The following TM9SF4 variants were observed in gnomAD, a reference collection of about 807,000 sequenced individuals.
The protein encoded by TM9SF4 is transmembrane 9 superfamily member 4.
In TM9SF4, 26 loss-of-function variants were observed where a neutral mutation model predicts 90.4. The ratio of observed to expected loss-of-function variants is 0.29; its 90% CI spans 0.21 to 0.40. The LOEUF (loss-of-function observed/expected upper bound fraction) is 0.40. TM9SF4 is among the 10% of genes least tolerant of loss of function. TM9SF4 has a pLI of 1.00. For synonymous variants in TM9SF4, 293 were observed against 315.4 expected, an observed-to-expected ratio of 0.93 and a Z score of 0.75; for missense variants, 549 against 834.8, an observed-to-expected ratio of 0.66 and a Z score of 4.22.
At chr20:32,159,836 TGCTCTGGGGA>T in intron 15 of TM9SF4, 146 bp from the exon 16 acceptor site, 1 of 1,042,492 alleles carries the variant, frequency 9.6e-7, no homozygotes, top group Non-Finnish European at 1.4e-6. Context: ...GCTCACCCCC[TGCTCTGGGGA>T]AGAGGGGCCA....
At chr20:32,164,923 C>T (rs2047078486) in intron 17 of TM9SF4, among the ~76,000 whole-genome samples, 1 of 152,190 alleles carries the variant, frequency 6.6e-6, no homozygotes, top group South Asian at 2.1e-4. Context: ...GCTCCTGGTC[C>T]TGAAGCTGGG....
chr20:32,143,233 G>A, intron 6 of TM9SF4, 128 bp downstream of exon 6: 1 of 1,197,048 alleles, frequency 8.4e-7, no homozygotes. Flanking sequence ...GCCCAGCCAA[G>A]GTAGGATCAT....
chr20:32,143,077 G>C lies in TM9SF4; in HGVS notation c.624G>C (p.Glu208Asp). Reference protein sequence around the residue: ...QEHTYRVVRFEVIPQSIRLED... With the variant: ...QEHTYRVVRFDVIPQSIRLED... ...ACACGTACCGTGTCGTCCGCTTCGA[G>C]GTGATTCCCCAGAGCATCAGGCTGG... The change falls in exon 6 of 18, where the codon GAG becomes GAC. Residue 208 changes from glutamate (E) to aspartate (D), a missense_variant. Physicochemically the swap from Glu to Asp is conservative, Grantham distance 45 (BLOSUM62 2). This residue lies in a region of TM9SF4 where 495 missense variants were observed against 711.7 expected (regional missense o/e 0.70). Coordinates refer to ENST00000398022, the MANE Select transcript of TM9SF4 (RefSeq NM_014742.4). 5 of 1,613,714 alleles carry C rather than the reference G, an allele frequency of 3.1e-6. No individual in the cohort carries two copies. Among genetic ancestry groups the C allele is most frequent in the Non-Finnish European group, 4.2e-6 (5 of 1,179,736 alleles).
In TM9SF4 at chr20:32,166,815, A is replaced by T. The variant is rs1250219133; in HGVS notation, c.*1371A>T. The T allele has an allele frequency of 5.3e-5, 8 of 152,128 alleles. No homozygotes were observed. Among genetic ancestry groups the T allele is most frequent in the Non-Finnish European group, 1.2e-4 (8 of 68,018 alleles). 9.4% of individuals were successfully genotyped at this position (152,128 alleles called of 1,614,324 possible). ...ATTAGGGTTCAAGTAGCAGCTGCTA[A>T]CCCTTGCACCAGCCCTTGTGGGACT... On this transcript the variant is annotated 3_prime_UTR_variant, in exon 18 of 18. Coordinates refer to ENST00000398022, the MANE Select transcript of TM9SF4 (RefSeq NM_014742.4).
chr20:32,149,890 G>T, intron 10 of TM9SF4, 124 bp downstream of exon 10: 8 of 1,373,314 alleles, frequency 5.8e-6, no homozygotes, highest in Non-Finnish European at 7.9e-6. Flanking sequence ...AAGTGGGCAT[G>T]TCAGTATCTC....
chr20:32,161,504 T>C (rs1288198697), intron 17 of TM9SF4, 139 bp downstream of exon 17: 4 of 674,506 alleles, frequency 5.9e-6, no homozygotes, highest in Non-Finnish European at 1.0e-5. Flanking sequence ...CTAGAACTGT[T>C]CCTGCTCTAG....
chr20:32,152,938 G>T (rs2046864637), intron 12 of TM9SF4, among the ~76,000 whole-genome samples: 2 of 152,200 alleles, frequency 1.3e-5, no homozygotes, highest in Admixed American at 1.3e-4. Context: ...ACAGTGCCCA[G>T]TTAGTAAATT....
intron 5 of TM9SF4, 62 bp downstream of exon 5, chr20:32,141,957 G>C (rs1186999826): frequency 1.2e-6 from 2 of 1,601,680 alleles, no homozygotes; most frequent in Admixed American, 1.7e-5. Context: ...CTGAGCACTT[G>C]GGGCCACAGA....
At chr20:32,116,641 ATTTGT>A (rs1034248530) in intron 1 of TM9SF4, 1 of 151,456 alleles carries the variant, frequency 6.6e-6, no homozygotes, top group African/African-American at 2.5e-5. Flanking sequence ...CCTGTGGCTA[ATTTGT>A]TTTTTGTTTG....
chr20:32,163,268 A>AATATATAT lies in TM9SF4; in HGVS notation c.1779+1924_1779+1931dup, dbSNP rs1186662308. Reference sequence around the variant, plus strand: ...CTCAAAAAAAAAAAAAAAAAAAAAAAATATATATATATATATATATATATA... The same window carrying AATATATAT: ...CTCAAAAAAAAAAAAAAAAAAAAAAAATATATATATATATATATATATATATATATATA... On this transcript the variant is annotated intron_variant, in intron 17 of 17. Coordinates refer to ENST00000398022, the MANE Select transcript of TM9SF4 (RefSeq NM_014742.4). 1.3e-3 allele frequency among the ~76,000 whole-genome samples: 93 copies of AATATATAT among 74,318 alleles called. 1 individual carries two copies. Among genetic ancestry groups the AATATATAT allele is most frequent in the African/African-American group, 4.4e-3 (74 of 16,778 alleles). The allele number at this position is 74,318 out of a possible 152,430, so 48.8% of individuals were successfully genotyped here. A position where few individuals can be genotyped will look rare whatever the true frequency, so the allele number is the denominator to read the frequency against.
At chr20:32,137,690 G>C (rs907541747) in intron 3 of TM9SF4, among the ~76,000 whole-genome samples, 4 of 152,158 alleles carry the variant, frequency 2.6e-5, no homozygotes, top group South Asian at 4.1e-4. Flanking sequence ...CCTTGATTGC[G>C]TGACTGTTGG....
At chr20:32,159,886 T>A in intron 15 of TM9SF4, 106 bp from the exon 16 acceptor site, 1 of 1,495,530 alleles carries the variant, frequency 6.7e-7, no homozygotes, top group Non-Finnish European at 9.2e-7. Context: ...CGGGCCCTGA[T>A]GGTGTCATGA....
chr20:32,131,748 CG>C (rs976162183), intron 1 of TM9SF4, among the ~76,000 whole-genome samples: 3 of 152,064 alleles, frequency 2.0e-5, no homozygotes, highest in African/African-American at 7.2e-5. Flanking sequence ...GAAGAGAATC[CG>C]GCAGCTTTTC....
chr20:32,136,494 C>T (rs886255505), intron 3 of TM9SF4, among the ~76,000 whole-genome samples: 26 of 152,132 alleles, frequency 1.7e-4, no homozygotes, highest in African/African-American at 6.3e-4. Flanking sequence ...TCTATTTACA[C>T]CGCCTCTTCT....
At chr20:32,130,563 C>G (rs1330195137) in intron 1 of TM9SF4, among the ~76,000 whole-genome samples, 1 of 152,192 alleles carries the variant, frequency 6.6e-6, no homozygotes, top group Non-Finnish European at 1.5e-5. Context: ...GATGCCTAGT[C>G]AGGTGGAGGA....
At chr20:32,165,115 G>A (rs750947731) in intron 17 of TM9SF4, among the ~76,000 whole-genome samples, 180 bp from the exon 18 acceptor site, 1 of 152,180 alleles carries the variant, frequency 6.6e-6, no homozygotes, top group African/African-American at 2.4e-5. Context: ...CACAGGCCTG[G>A]TCCAGATGAA....
intron 17 of TM9SF4, among the ~76,000 whole-genome samples, chr20:32,162,431 G>T (rs948747177): frequency 6.6e-6 from 1 of 152,188 alleles, no homozygotes; most frequent in Non-Finnish European, 1.5e-5. Context: ...TGCAGCCCGC[G>T]TGGGCCAGCA....
intron 12 of TM9SF4, among the ~76,000 whole-genome samples, chr20:32,151,166 GGATTCAGAATAACAA>G (rs1242956056): frequency 1.3e-5 from 2 of 151,990 alleles, no homozygotes; most frequent in African/African-American, 4.8e-5. Context: ...AAGAAATAGG[GGATTCAGAATAACAA>G]GATTTAGAAT....
At chr20:32,160,613 C>T (rs1365649192) in intron 16 of TM9SF4, among the ~76,000 whole-genome samples, 1 of 152,126 alleles carries the variant, frequency 6.6e-6, no homozygotes, top group Non-Finnish European at 1.5e-5. Flanking sequence ...ACTTGGAGGG[C>T]TGCTCTCAGG....
Sources: allele counts gnomAD v4.1 joint callset (sites outside exome capture counted in the v4.1 genomes callset), GRCh38; gene constraint gnomAD v4.1.1; regional missense constraint gnomAD v4.1.1; transcripts MANE v1.5; gene names NCBI Gene and HGNC (gene_info 2026-07-23, HGNC 2026-07-21).